KIAA0232: variants seen among roughly 807,000 people sequenced by gnomAD.
KIAA0232 encodes the protein KIAA0232.
A neutral mutation model predicts 122.0 loss-of-function variants in KIAA0232; 27 were observed. The ratio of observed to expected loss-of-function variants is 0.22; its 90% CI spans 0.16 to 0.31. The LOEUF is 0.31. Among genes scored for constraint, KIAA0232 ranks in the 10% least tolerant of loss-of-function variants. The pLI is 1.00. For missense variants in KIAA0232, 1,551 were observed against 1,634.2 expected (o/e 0.95, Z 0.88); for synonymous variants, 613 against 587.6 (o/e 1.04, Z -0.63).
intron 3 of KIAA0232, among the ~76,000 whole-genome samples, chr4:6,834,064 C>G (rs991019567): frequency 3.3e-5 from 5 of 152,150 alleles, no homozygotes; most frequent in South Asian, 2.1e-4. Context: ...AAGTTAACAT[C>G]TCTGTGCCTG....
chr4:6,821,746 C>A (rs1718436517), intron 2 of KIAA0232, among the ~76,000 whole-genome samples: 1 of 151,602 alleles, frequency 6.6e-6, no homozygotes, highest in South Asian at 2.1e-4. Flanking sequence ...ATTTCTTTAT[C>A]CCCTCATTGA....
At chr4:6,823,176 CATT>C (rs1254568336) in intron 2 of KIAA0232, among the ~76,000 whole-genome samples, 1 of 151,482 alleles carries the variant, frequency 6.6e-6, no homozygotes, top group African/African-American at 2.4e-5. Flanking sequence ...TCCAGTCTAT[CATT>C]GTTGGACATT....
At position 6,862,937 on chromosome 4, in the gene KIAA0232, C is replaced by T. The variant is rs746490506; in HGVS notation, c.2555C>T (p.Ser852Leu). The T allele has an allele frequency of 1.2e-5, 19 of 1,614,050 alleles. No homozygotes were observed. The highest frequency in any genetic ancestry group is 6.7e-5 in the African/African-American group (5 of 74,936). ...GAAAGAACTGATGCTGAGTTGTTTT[C>T]GGCAGATGTAAATAACTACTGCTGC... is the stretch of plus-strand genomic sequence containing the variant. ...EIERTDAELF[S>L]ADVNNYCCCL... Residue 852 changes from serine to leucine, a missense_variant, in exon 7 of 10, where the codon TCG (serine) becomes TTG (leucine). Ser to Leu is a moderately radical substitution (Grantham distance 145). Around this residue, in one of 5 missense-constraint regions of KIAA0232, gnomAD observed 1,108 missense variants for 1,154.8 expected, o/e 0.96. Transcript: ENST00000307659.
intron 4 of KIAA0232, among the ~76,000 whole-genome samples, chr4:6,853,319 G>A (rs766538335): frequency 1.2e-4 from 18 of 152,204 alleles, no homozygotes; most frequent in Non-Finnish European, 2.5e-4. Flanking sequence ...CTTCCAGAAA[G>A]TAGAACAAAA....
intron 6 of KIAA0232, among the ~76,000 whole-genome samples, chr4:6,859,773 A>G (rs552520806): frequency 2.0e-4 from 30 of 152,232 alleles, no homozygotes; most frequent in Non-Finnish European, 4.0e-4. Flanking sequence ...CTGAAACAAC[A>G]GTCCCCAGTA....
chr4:6,811,924 G>A (rs531395547), intron 2 of KIAA0232, among the ~76,000 whole-genome samples: 1 of 151,920 alleles, frequency 6.6e-6, no homozygotes, highest in East Asian at 1.9e-4. Context: ...GGCTTTAGTT[G>A]TTCTTGTTAT....
At position 6,845,045 on chromosome 4, in the gene KIAA0232, C is replaced by G. The variant is rs547589382; in HGVS notation, c.369+2841C>G. Among the ~76,000 whole-genome samples the G allele has an allele frequency of 1.7e-4, 26 of 152,348 alleles. No homozygotes were observed. The South Asian group carries it at 4.8e-3, about 28-fold the overall frequency. On this transcript the variant is annotated intron_variant, in intron 4 of 9. Coordinates refer to ENST00000307659, the MANE Select transcript of KIAA0232 (RefSeq NM_014743.3). ...TGTACCTGAGTCAGGGTCATTCCCT[C>G]TCTGTCCAAACTCTGGTTTTCTCTG...
chr4:6,851,373 C>G (rs571971996), intron 4 of KIAA0232, among the ~76,000 whole-genome samples: 1 of 152,152 alleles, frequency 6.6e-6, no homozygotes, highest in East Asian at 1.9e-4. Flanking sequence ...ACTGCCATCT[C>G]CATATGAAAG....
chr4:6,819,023 TATGCAGAGGA>T (rs758852919), intron 2 of KIAA0232, among the ~76,000 whole-genome samples: 5 of 152,110 alleles, frequency 3.3e-5, no homozygotes, highest in African/African-American at 7.2e-5. Context: ...TTACTAGCCA[TATGCAGAGGA>T]ATGAAAATGG....
chr4:6,812,063 T>C (rs929294860), intron 2 of KIAA0232, among the ~76,000 whole-genome samples: 1 of 152,194 alleles, frequency 6.6e-6, no homozygotes, highest in Admixed American at 6.5e-5. Flanking sequence ...AACAGTTCTT[T>C]CTGGGCACAT....
At chr4:6,802,596 A>G (rs965820529) in intron 1 of KIAA0232, among the ~76,000 whole-genome samples, 7 of 147,144 alleles carry the variant, frequency 4.8e-5, no homozygotes, top group African/African-American at 1.8e-4. Context: ...TGTCTTATGT[A>G]CGAACAGAGT....
At chr4:6,826,104 C>T (rs1490386532) in intron 3 of KIAA0232, among the ~76,000 whole-genome samples, 2 of 152,130 alleles carry the variant, frequency 1.3e-5, no homozygotes, top group Non-Finnish European at 2.9e-5. Flanking sequence ...TGGGGAGCTA[C>T]TCTTTCCAGC....
intron 8 of KIAA0232, 100 bp downstream of exon 8, chr4:6,871,782 C>T: frequency 1.3e-6 from 1 of 743,454 alleles, no homozygotes; most frequent in Middle Eastern, 2.8e-4. Flanking sequence ...AAACATTTAC[C>T]AAGAGGTTTC....
chr4:6,864,687 C>T (rs1056637174), intron 7 of KIAA0232, among the ~76,000 whole-genome samples: 3 of 133,568 alleles, frequency 2.2e-5, no homozygotes, highest in African/African-American at 8.5e-5. Flanking sequence ...TGCAGTGAGC[C>T]GAGATCGTGT....
chr4:6,856,684 G>GA (rs35815919), intron 4 of KIAA0232, among the ~76,000 whole-genome samples: 115,834 of 148,974 alleles, frequency 0.78, 45,870 homozygotes, highest in Non-Finnish European at 0.87. Context: ...CTTTAAAACA[G>GA]AAAAAAAAAA....
chr4:6,873,177 G>C (rs967055622), intron 8 of KIAA0232, among the ~76,000 whole-genome samples: 1 of 152,182 alleles, frequency 6.6e-6, no homozygotes, highest in African/African-American at 2.4e-5. Flanking sequence ...CCCCCCGCTA[G>C]TTTTCAGATG....
Position 6,864,113 on chromosome 4 carries a change from G to T in KIAA0232, c.3731G>T (p.Cys1244Phe), listed in dbSNP as rs775501888. The part of the protein sequence containing the change: ...AQCEEEINNF[C>F]GCKAGCQFPA... ...TGCGAGGAAGAAATTAATAATTTTT[G>T]TGGTTGCAAAGCAGGTTGTCAGTTT... Residue 1244 changes from cysteine to phenylalanine, a missense_variant, in exon 7 of 10, where the codon TGT becomes TTT. Cys to Phe is a radical substitution (Grantham distance 205). Transcript: ENST00000307659. 1 of 1,614,112 alleles carries T rather than the reference G, an allele frequency of 6.2e-7. No homozygotes were observed. The highest frequency in any genetic ancestry group is 1.7e-5 in the Admixed American group (1 of 60,002).
At chr4:6,849,946 G>A (rs182187731) in intron 4 of KIAA0232, among the ~76,000 whole-genome samples, 46 of 152,208 alleles carry the variant, frequency 3.0e-4, no homozygotes, top group Non-Finnish European at 5.3e-4. Context: ...GGGGTAGAGT[G>A]GTTTATGAGG....
Position 6,849,358 on chromosome 4 carries a change from A to C in KIAA0232, c.369+7154A>C, listed in dbSNP as rs539555541. On this transcript the variant is annotated intron_variant, in intron 4 of 9. Transcript: ENST00000307659. Reference sequence around the variant, plus strand: ...AATTCCTGGCCCGGCACAGTGGCTCATGCCTGTAATCCCAGCACTTTGGGA... The same window carrying C: ...AATTCCTGGCCCGGCACAGTGGCTCCTGCCTGTAATCCCAGCACTTTGGGA... 5.2e-5 allele frequency among the ~76,000 whole-genome samples: 8 copies of C among 152,382 alleles called. No homozygotes were observed. In the South Asian group the frequency reaches 1.7e-3, roughly 32 times the overall value.
Sources: allele counts gnomAD v4.1 joint callset (sites outside exome capture counted in the v4.1 genomes callset), GRCh38; gene constraint gnomAD v4.1.1; regional missense constraint gnomAD v4.1.1; transcripts MANE v1.5; gene names NCBI Gene and HGNC (gene_info 2026-07-23, HGNC 2026-07-21).